The following FANCA variants were observed in gnomAD, a reference collection of about 807,000 sequenced individuals.
The protein encoded by FANCA is FA complementation group A.
In FANCA, 236 loss-of-function variants were observed where a neutral mutation model predicts 194.3. The ratio of observed to expected loss-of-function variants is 1.21; its 90% CI spans 1.09 to 1.35. FANCA has a LOEUF of 1.35. Among genes scored for constraint, FANCA ranks in the 40% most tolerant of loss-of-function variants. The pLI is 0.00. For missense variants in FANCA, 2,628 were observed against 1,813.9 expected, an observed-to-expected ratio of 1.45 and a Z score of -8.15; for synonymous variants, 1,014 against 715.8, an observed-to-expected ratio of 1.42 and a Z score of -6.65.
intron 10 of FANCA, 183 bp downstream of exon 10, chr16:89,798,983 C>G: frequency 9.3e-6 from 15 of 1,613,800 alleles, no homozygotes; most frequent in Non-Finnish European, 1.2e-5. Flanking sequence ...AAAAGGCTGA[C>G]CAGAGCGTTC....
chr16:89,793,854 G>A (rs1462866417), intron 11 of FANCA, among the ~76,000 whole-genome samples: 1 of 152,098 alleles, frequency 6.6e-6, no homozygotes, highest in Non-Finnish European at 1.5e-5. Flanking sequence ...GGGTTCAAGC[G>A]ATTCTCCTGC....
chr16:89,814,007 A>G (rs1233765945), intron 3 of FANCA, among the ~76,000 whole-genome samples: 5 of 152,200 alleles, frequency 3.3e-5, no homozygotes, highest in African/African-American at 9.7e-5. Flanking sequence ...TCATTTGCCA[A>G]TGACATTCAG....
chr16:89,758,939 G>A (rs1027557729), intron 29 of FANCA, among the ~76,000 whole-genome samples: 13 of 152,146 alleles, frequency 8.5e-5, no homozygotes, highest in Admixed American at 5.9e-4. Flanking sequence ...CACCTTCCAC[G>A]GATCAAAGGC....
chr16:89,743,336 C>T (rs898472585), intron 36 of FANCA, among the ~76,000 whole-genome samples: 1 of 152,136 alleles, frequency 6.6e-6, no homozygotes, highest in Non-Finnish European at 1.5e-5. Context: ...TGGCTCTGGC[C>T]CCAGTGTGGT....
At chr16:89,809,067 G>A (rs143104083) in intron 5 of FANCA, among the ~76,000 whole-genome samples, 1,598 of 152,012 alleles carry the variant, frequency 0.011, 36 homozygotes, top group African/African-American at 0.036. Context: ...CACCACACCC[G>A]GCTAATTTTT....
chr16:89,792,466 C>A lies in FANCA; in HGVS notation c.1083+5G>T, dbSNP rs1412210234. The stretch of plus-strand genomic sequence containing the variant: ...AGAAGCAGGTATAATACCACATCCA[C>A]TCACCCTGCGGTACAGTGAGGTGAG... On this transcript the variant is annotated splice_donor_5th_base_variant and intron_variant, in intron 12 of 42. Transcript: ENST00000389301. 6.2e-7 allele frequency: 1 copy of A among 1,613,164 alleles called. No individual in the cohort carries two copies.
At chr16:89,748,844 G>T in intron 32 of FANCA, 77 bp from the exon 33 acceptor site, 1 of 1,224,834 alleles carries the variant, frequency 8.2e-7, no homozygotes, top group Non-Finnish European at 1.2e-6. Flanking sequence ...GACTCTCAGA[G>T]CAGCAACCAC....
At position 89,791,937 on chromosome 16, in the gene FANCA, C is replaced by T. The variant is rs1418734379; in HGVS notation, c.1215G>A (p.Gln405=). ...CGCGTAAAAGCTCACCTTCAAGCAGCTGCTGCGCTTCTGGAAAGCAGACAA... is the reference window on the plus strand; with the variant it reads ...CGCGTAAAAGCTCACCTTCAAGCAGTTGCTGCGCTTCTGGAAAGCAGACAA... ...ALVVCFPEAQ[Q]LLEDWVARLM... The change falls in exon 13 of 43, where the codon CAG becomes CAA. Residue 405 remains glutamine (Q), a synonymous_variant. Transcript: ENST00000389301. 6.2e-7 allele frequency: 1 copy of T among 1,614,176 alleles called. No individual in the cohort carries two copies. The highest frequency in any genetic ancestry group is 8.5e-7 in the Non-Finnish European group (1 of 1,180,020).
At chr16:89,777,661 C>A (rs567047879) in intron 20 of FANCA, among the ~76,000 whole-genome samples, 20 of 152,166 alleles carry the variant, frequency 1.3e-4, no homozygotes, top group African/African-American at 4.8e-4. Context: ...TTATACTTTC[C>A]TATTTCTTCC....
intron 11 of FANCA, among the ~76,000 whole-genome samples, chr16:89,794,084 AGAT>A (rs78705544): frequency 0.32 from 48,135 of 152,002 alleles, 8,762 homozygotes; most frequent in East Asian, 0.68. Context: ...GTGTGAAGAC[AGAT>A]CTTAATATGT....
chr16:89,810,924 C>T lies in FANCA; in HGVS notation c.426+5G>A, dbSNP rs1425508609. ...CAGGTTTCCTCATCTTTGCTGGTGT[C>T]TTACTCTCTGCTCCACAGTCAGCAG... On this transcript the variant is annotated splice_donor_5th_base_variant and intron_variant, in intron 4 of 42. Coordinates refer to ENST00000389301, the MANE Select transcript of FANCA (RefSeq NM_000135.4). 1 of 1,614,188 alleles carries T rather than the reference C, an allele frequency of 6.2e-7. No individual in the cohort carries two copies. The highest frequency in any genetic ancestry group is 1.1e-5 in the South Asian group (1 of 91,090).
intron 11 of FANCA, among the ~76,000 whole-genome samples, chr16:89,794,637 CT>C (rs1403687867): frequency 6.6e-6 from 1 of 152,214 alleles, no homozygotes; most frequent in African/African-American, 2.4e-5. Context: ...TGATGATAAA[CT>C]CCTGAGCACC....
intron 17 of FANCA, among the ~76,000 whole-genome samples, chr16:89,780,522 G>T (rs750382342): frequency 6.6e-6 from 1 of 151,868 alleles, no homozygotes; most frequent in South Asian, 2.1e-4. Context: ...TACTCAGGAC[G>T]TGGAGGTGGA....
chr16:89,780,024 G>C, intron 17 of FANCA, 67 bp from the exon 18 acceptor site: 1 of 1,377,684 alleles, frequency 7.3e-7, no homozygotes, highest in South Asian at 1.2e-5. Context: ...GAGCAGTGAA[G>C]GCCACACTCA....
Position 89,742,956 on chromosome 16 carries a change from G to T in FANCA, c.3627-18C>A, listed in dbSNP as rs1290153512. The T allele has an allele frequency of 6.2e-7, 1 of 1,613,102 alleles. No individual in the cohort carries two copies. The highest frequency in any genetic ancestry group is 1.7e-5 in the Admixed American group (1 of 59,980). On this transcript the variant is annotated intron_variant, in intron 36 of 42. Coordinates refer to ENST00000389301, the MANE Select transcript of FANCA (RefSeq NM_000135.4). ...AGAGGAAACTGGGACAGAGAGAACGGGGTCATTGCAGGGCCTTACAACCAT... is the reference window on the plus strand; with the variant it reads ...AGAGGAAACTGGGACAGAGAGAACGTGGTCATTGCAGGGCCTTACAACCAT...
intron 35 of FANCA, 124 bp downstream of exon 35, chr16:89,746,460 C>G: frequency 1.3e-6 from 1 of 796,120 alleles, no homozygotes; most frequent in Admixed American, 2.0e-5. Flanking sequence ...TTCCATGTCT[C>G]CTGATGCATT....
At position 89,815,825 on chromosome 16, in the gene FANCA, CAA is replaced by C. The variant is rs971275981; in HGVS notation, c.189+50_189+51del. 2.8e-6 allele frequency: 4 copies of C among 1,432,836 alleles called. No individual in the cohort carries two copies. The African/African-American group carries it at 5.6e-5, about 20-fold the overall frequency. The allele number at this position is 1,432,836 out of a possible 1,614,324, so 88.8% of individuals were successfully genotyped here. A position where few individuals can be genotyped will look rare whatever the true frequency, so the allele number is the denominator to read the frequency against. ...AGGAAAGCTGTGCGGTGGCTGGACT[CAA>C]AAACCCCGAACCTAAATCTGCCCGC... On this transcript the variant is annotated intron_variant, in intron 2 of 42. Transcript: ENST00000389301.
At chr16:89,780,457 T>C (rs560914471) in intron 17 of FANCA, among the ~76,000 whole-genome samples, 30 of 151,946 alleles carry the variant, frequency 2.0e-4, no homozygotes, top group African/African-American at 7.2e-4. Flanking sequence ...ATCTCATCTC[T>C]AAAAAAATAC....
intron 41 of FANCA, 74 bp downstream of exon 41, chr16:89,739,059 G>A (rs34218545): frequency 8.6e-5 from 139 of 1,613,586 alleles, no homozygotes; most frequent in Middle Eastern, 1.6e-4. Flanking sequence ...ATGCTGTGCC[G>A]GAACATTCTT....
Sources: gnomAD v4.1 joint callset for allele counts (sites outside exome capture counted in the v4.1 genomes callset) on GRCh38, gnomAD v4.1.1 for gene constraint, MANE v1.5 for transcripts, NCBI Gene and HGNC (gene_info 2026-07-23, HGNC 2026-07-21) for gene names.